Variants in MACROD1 observed in about 807,000 individuals in gnomAD.
MACROD1 encodes the protein ADP-ribose glycohydrolase MACROD1.
MACROD1 carries 31 observed loss-of-function variants against 41.4 expected under a neutral mutation model. That is an observed-to-expected ratio of 0.75 (90% CI 0.56 to 1.01). The LOEUF is 1.01. MACROD1 is among the 50% of genes least tolerant of loss of function. The pLI, the probability that MACROD1 is intolerant of heterozygous loss-of-function variation, is 0.00. For missense variants in MACROD1, 473 were observed against 460.0 expected, an observed-to-expected ratio of 1.03 and a Z score of -0.26; for synonymous variants, 252 against 203.4, an observed-to-expected ratio of 1.24 and a Z score of -2.03.
At chr11:64,068,172 C>T (rs1051950261) in intron 3 of MACROD1, among the ~76,000 whole-genome samples, 4 of 152,226 alleles carry the variant, frequency 2.6e-5, no homozygotes, top group East Asian at 1.9e-4. Flanking sequence ...GCAGGACTCA[C>T]GCTTCGGGAG....
Position 63,998,669 on chromosome 11 carries a change from CG to C in MACROD1, c.*48del, listed in dbSNP as rs1942755295. 3 of 1,334,418 alleles carry C rather than the reference CG, an allele frequency of 2.2e-6. No individual in the cohort carries two copies. The highest frequency in any genetic ancestry group is 3.0e-5 in the African/African-American group (2 of 65,806). The allele number at this position is 1,334,418 out of a possible 1,614,324, so 82.7% of individuals were successfully genotyped here. On this transcript the variant is annotated 3_prime_UTR_variant, in exon 11 of 11. Coordinates refer to ENST00000255681, the MANE Select transcript of MACROD1 (RefSeq NM_014067.4). The stretch of plus-strand genomic sequence containing the variant: ...TTTGGCGACCTCTCAGAGCTGGGAG[CG>C]GGGTCCCGAAGGCGGGTCTGAGGGC...
At chr11:64,141,795 G>GC (rs1470592306) in intron 3 of MACROD1, among the ~76,000 whole-genome samples, 1 of 152,172 alleles carries the variant, frequency 6.6e-6, no homozygotes, top group African/African-American at 2.4e-5. Context: ...AGGCAGGGTG[G>GC]CCACCCCATG....
At chr11:64,136,196 C>A (rs777949653) in intron 3 of MACROD1, among the ~76,000 whole-genome samples, 9 of 152,226 alleles carry the variant, frequency 5.9e-5, no homozygotes, top group African/African-American at 4.8e-5. Flanking sequence ...TGGGCTGTCA[C>A]CAAGTTCACT....
chr11:64,138,822 C>A (rs930053057), intron 3 of MACROD1, among the ~76,000 whole-genome samples: 1 of 151,718 alleles, frequency 6.6e-6, no homozygotes, highest in East Asian at 1.9e-4. Flanking sequence ...GGCTGGAGTG[C>A]GGTGGCACCA....
chr11:64,077,818 GGGCA>G (rs1944231384), intron 3 of MACROD1, among the ~76,000 whole-genome samples: 3 of 152,240 alleles, frequency 2.0e-5, no homozygotes, highest in Admixed American at 2.0e-4. Context: ...TCGGACATTT[GGGCA>G]AGGAGTCTCC....
At chr11:64,121,135 C>A (rs1290293314) in intron 3 of MACROD1, among the ~76,000 whole-genome samples, 1 of 152,114 alleles carries the variant, frequency 6.6e-6, no homozygotes, top group Non-Finnish European at 1.5e-5. Context: ...CCCAGCCACG[C>A]CCTCCGAGAC....
chr11:64,099,048 C>T (rs909840670), intron 3 of MACROD1, among the ~76,000 whole-genome samples: 2 of 152,178 alleles, frequency 1.3e-5, no homozygotes, highest in African/African-American at 2.4e-5. Context: ...GGGAGGAAGC[C>T]CTGAGTGCCA....
chr11:64,165,668 C>T (rs1407851308), intron 1 of MACROD1, 29 bp downstream of exon 1: 5 of 1,378,022 alleles, frequency 3.6e-6, no homozygotes, highest in Non-Finnish European at 4.7e-6. Context: ...GCCGCCCTCT[C>T]CCTCGCGCCC....
At chr11:64,061,991 T>A (rs1171491634) in intron 3 of MACROD1, among the ~76,000 whole-genome samples, 1 of 113,618 alleles carries the variant, frequency 8.8e-6, no homozygotes, top group Admixed American at 1.2e-4. Flanking sequence ...CCCCTTCTAC[T>A]TGCTTCTGTT....
At chr11:64,007,030 C>G (rs1942924395) in intron 4 of MACROD1, among the ~76,000 whole-genome samples, 1 of 152,156 alleles carries the variant, frequency 6.6e-6, no homozygotes, top group Admixed American at 6.5e-5. Context: ...TGTCATAAAA[C>G]CTCCCATGGC....
chr11:64,106,985 G>T (rs537029792), intron 3 of MACROD1, among the ~76,000 whole-genome samples: 3 of 152,320 alleles, frequency 2.0e-5, no homozygotes, highest in Admixed American at 2.0e-4. Context: ...CCAGGTTCAA[G>T]TGAATCTCCT....
At chr11:64,010,955 C>T (rs1434470910) in intron 4 of MACROD1, among the ~76,000 whole-genome samples, 2 of 125,314 alleles carry the variant, frequency 1.6e-5, no homozygotes, top group African/African-American at 6.3e-5. Flanking sequence ...GGGGTGTTGG[C>T]TGGCATGTTG....
chr11:64,138,743 C>T (rs1235385901), intron 3 of MACROD1, among the ~76,000 whole-genome samples: 1 of 150,888 alleles, frequency 6.6e-6, no homozygotes, highest in African/African-American at 2.4e-5. Flanking sequence ...CACTTGTTGC[C>T]GCCAGGAGGT....
intron 3 of MACROD1, among the ~76,000 whole-genome samples, chr11:64,145,505 CT>C (rs1945483216): frequency 6.6e-6 from 1 of 152,218 alleles, no homozygotes; most frequent in African/African-American, 2.4e-5. Context: ...CTCCTCACCC[CT>C]GCCCTTCGGT....
At chr11:64,103,734 G>C (rs1256474691) in intron 3 of MACROD1, 1 of 152,312 alleles carries the variant, frequency 6.6e-6, no homozygotes, top group East Asian at 1.9e-4. Context: ...TCAGGGCTGG[G>C]TGCCAGGCCA....
intron 3 of MACROD1, among the ~76,000 whole-genome samples, chr11:64,055,927 T>C (rs1222070746): frequency 6.6e-6 from 1 of 152,216 alleles, no homozygotes; most frequent in Non-Finnish European, 1.5e-5. Context: ...ACAGATGCCA[T>C]GCTGCCTGCA....
At chr11:64,100,259 G>A (rs1224262060) in intron 3 of MACROD1, among the ~76,000 whole-genome samples, 1 of 152,174 alleles carries the variant, frequency 6.6e-6, no homozygotes, top group Non-Finnish European at 1.5e-5. Flanking sequence ...CGCAGAGGGT[G>A]GTGCAGAGAT....
In MACROD1 at chr11:63,999,765, TA is replaced by T; in HGVS notation, c.665-3del. ...TGGGCCCCACTGTGTGGATGACGTCTACGGGGGGCGACGGGGTCAGACCGGC... is the reference window on the plus strand; with the variant it reads ...TGGGCCCCACTGTGTGGATGACGTCTCGGGGGGCGACGGGGTCAGACCGGC... On this transcript the variant is annotated splice_polypyrimidine_tract_variant and splice_region_variant and intron_variant, in intron 5 of 10. Transcript: ENST00000255681. The T allele has an allele frequency of 6.2e-7, 1 of 1,604,918 alleles. No homozygotes were observed. Among genetic ancestry groups the T allele is most frequent in the Middle Eastern group, 2.2e-4 (1 of 4,488 alleles).
At chr11:64,066,294 C>CAA (rs59963244) in intron 3 of MACROD1, among the ~76,000 whole-genome samples, 282 of 50,082 alleles carry the variant, frequency 5.6e-3, no homozygotes, top group Non-Finnish European at 8.2e-3. Flanking sequence ...GAGACTGTCT[C>CAA]AAAAAAAAAA....
Sources: gnomAD v4.1 joint callset for allele counts (sites outside exome capture counted in the v4.1 genomes callset) on GRCh38, gnomAD v4.1.1 for gene constraint, MANE v1.5 for transcripts, NCBI Gene and HGNC (gene_info 2026-07-23, HGNC 2026-07-21) for gene names.